Variants in RGS6 observed in about 807,000 individuals in gnomAD.
RGS6 encodes the protein regulator of G protein signaling 6, also known as regulator of G-protein signaling 6.
Under a neutral mutation model 78.5 loss-of-function variants are expected in RGS6, and 30 were observed. That is an observed-to-expected ratio of 0.38 (90% CI 0.29 to 0.52). The LOEUF (loss-of-function observed/expected upper bound fraction) is 0.52. Among genes scored for constraint, RGS6 ranks in the 20% least tolerant of loss-of-function variants. The probability of loss-of-function intolerance (pLI) is 0.85; values close to 1 mark genes in which losing one functional copy is unlikely to be tolerated. For missense variants in RGS6, 495 were observed against 609.7 expected, an observed-to-expected ratio of 0.81 and a Z score of 1.98; for synonymous variants, 206 against 206.0, an observed-to-expected ratio of 1.00 and a Z score of 0.00.
intron 2 of RGS6, among the ~76,000 whole-genome samples, chr14:72,174,499 C>A (rs547872503): frequency 3.4e-4 from 52 of 152,300 alleles, no homozygotes; most frequent in African/African-American, 1.3e-3. Context: ...GTAAGCTTGA[C>A]AAGAGGGTAT....
intron 2 of RGS6, among the ~76,000 whole-genome samples, chr14:72,017,975 C>T (rs2087439138): frequency 6.6e-6 from 1 of 152,128 alleles, no homozygotes; most frequent in African/African-American, 2.4e-5. Context: ...TCCCATGTGT[C>T]CATGTATTCT....
At chr14:72,535,831 A>T (rs1456023936) in intron 15 of RGS6, among the ~76,000 whole-genome samples, 1 of 152,150 alleles carries the variant, frequency 6.6e-6, no homozygotes, top group Non-Finnish European at 1.5e-5. Context: ...TACTCATCCT[A>T]ATTCCCTTGA....
intron 2 of RGS6, among the ~76,000 whole-genome samples, chr14:72,316,764 G>C (rs892036534): frequency 6.6e-6 from 1 of 152,042 alleles, no homozygotes; most frequent in Non-Finnish European, 1.5e-5. Context: ...TCCAATCATT[G>C]ATTGGCATTA....
chr14:72,254,925 G>A (rs1190106537), intron 2 of RGS6, among the ~76,000 whole-genome samples: 1 of 152,176 alleles, frequency 6.6e-6, no homozygotes, highest in Non-Finnish European at 1.5e-5. Context: ...ATAGGTTACA[G>A]AGCAGTGTTT....
chr14:72,113,413 G>A (rs2095816817), intron 2 of RGS6, among the ~76,000 whole-genome samples: 1 of 152,176 alleles, frequency 6.6e-6, no homozygotes, highest in Admixed American at 6.5e-5. Flanking sequence ...AACTGTGGTG[G>A]GTTGAGGAGC....
intron 2 of RGS6, among the ~76,000 whole-genome samples, chr14:72,003,344 C>T (rs1370273448): frequency 6.6e-6 from 1 of 152,180 alleles, no homozygotes; most frequent in Non-Finnish European, 1.5e-5. Context: ...GCCCTATGCA[C>T]AACATACAAC....
chr14:71,873,157 A>G, the RGS6 span, among the ~76,000 whole-genome samples: 5 of 152,220 alleles, frequency 3.3e-5, no homozygotes, highest in African/African-American at 9.6e-5. Flanking sequence ...GTATATATCC[A>G]GTAATGGGAT....
chr14:72,602,007 G>A, the RGS6 span, among the ~76,000 whole-genome samples: 4 of 152,190 alleles, frequency 2.6e-5, no homozygotes, highest in South Asian at 2.1e-4. Flanking sequence ...TTCATAATCC[G>A]AGATGATACT....
intron 2 of RGS6, among the ~76,000 whole-genome samples, chr14:72,257,684 T>C (rs1433634861): frequency 6.6e-6 from 1 of 152,116 alleles, no homozygotes; most frequent in Admixed American, 6.5e-5. Context: ...AGTAGGCTCG[T>C]TAGTAAGACA....
intron 3 of RGS6, among the ~76,000 whole-genome samples, chr14:72,438,142 C>T (rs1191134886): frequency 1.3e-5 from 2 of 151,982 alleles, no homozygotes; most frequent in East Asian, 1.9e-4. Flanking sequence ...TGCTTTTTCC[C>T]GAGAGAGGGG....
At chr14:72,127,585 C>T (rs56197219) in intron 2 of RGS6, among the ~76,000 whole-genome samples, 2,784 of 152,090 alleles carry the variant, frequency 0.018, 32 homozygotes, top group Non-Finnish European at 0.027. Context: ...AGTTTTAGCA[C>T]AGAACACAAT....
chr14:72,038,529 TG>T (rs1424189476), intron 2 of RGS6, among the ~76,000 whole-genome samples: 11 of 152,198 alleles, frequency 7.2e-5, no homozygotes, highest in Non-Finnish European at 2.9e-5. Context: ...GAACATAGTA[TG>T]TTTTTTTCAT....
chr14:72,089,186 G>C (rs1156982209), intron 2 of RGS6, among the ~76,000 whole-genome samples: 1 of 152,200 alleles, frequency 6.6e-6, no homozygotes, highest in Non-Finnish European at 1.5e-5. Flanking sequence ...ACTGGCACAT[G>C]GAAAGCATTC....
At chr14:72,408,795 A>G (rs1227053901) in intron 3 of RGS6, among the ~76,000 whole-genome samples, 1 of 152,196 alleles carries the variant, frequency 6.6e-6, no homozygotes, top group African/African-American at 2.4e-5. Context: ...TGGCAAGCTT[A>G]TTGAACTAGT....
At chr14:71,877,193 C>A in the RGS6 span, among the ~76,000 whole-genome samples, 1 of 152,188 alleles carries the variant, frequency 6.6e-6, no homozygotes, top group Non-Finnish European at 1.5e-5. Context: ...GTGGCATTCT[C>A]TGTAGTTCCT....
intron 15 of RGS6, among the ~76,000 whole-genome samples, chr14:72,530,108 G>T (rs918842643): frequency 6.6e-6 from 1 of 152,216 alleles, no homozygotes; most frequent in Non-Finnish European, 1.5e-5. Context: ...GAATTAGCTA[G>T]ATCAGAGGGG....
chr14:72,470,283 A>T (rs1385606056), intron 8 of RGS6, among the ~76,000 whole-genome samples, 200 bp downstream of exon 8: 3 of 152,342 alleles, frequency 2.0e-5, no homozygotes, highest in East Asian at 3.9e-4. Context: ...GCAATTTCAG[A>T]AATGTGTGTT....
At chr14:72,379,848 A>G (rs971988128) in intron 3 of RGS6, among the ~76,000 whole-genome samples, 1 of 152,106 alleles carries the variant, frequency 6.6e-6, no homozygotes, top group Non-Finnish European at 1.5e-5. Context: ...ACAAAAGACC[A>G]TGAATAGCCA....
At chr14:72,031,430 A>G (rs962187557) in intron 2 of RGS6, among the ~76,000 whole-genome samples, 4 of 152,184 alleles carry the variant, frequency 2.6e-5, no homozygotes, top group Non-Finnish European at 4.4e-5. Context: ...TAAATGGACT[A>G]TTTAATATAA....
Sources: gnomAD v4.1 joint callset for allele counts (sites outside exome capture counted in the v4.1 genomes callset) on GRCh38, gnomAD v4.1.1 for gene constraint, MANE v1.5 for transcripts, NCBI Gene and HGNC (gene_info 2026-07-23, HGNC 2026-07-21) for gene names.